The following DGKB variants were observed in gnomAD, a reference collection of about 807,000 sequenced individuals.
DGKB encodes 90 kDa diacylglycerol kinase.
A neutral mutation model predicts 114.3 loss-of-function variants in DGKB; 67 were observed. The observed-to-expected ratio is 0.59, with a 90% CI of 0.48 to 0.72. DGKB has a LOEUF of 0.72. DGKB is among the 30% of genes least tolerant of loss of function. DGKB has a pLI of 0.00. For missense variants in DGKB, 907 were observed against 975.2 expected (o/e 0.93, Z 0.93); for synonymous variants, 398 against 323.1 (o/e 1.23, Z -2.49).
chr7:14,411,016 G>A (rs1015609327), intron 21 of DGKB, among the ~76,000 whole-genome samples: 2 of 152,054 alleles, frequency 1.3e-5, no homozygotes, highest in East Asian at 1.9e-4. Flanking sequence ...CTCTTCTCCC[G>A]GGTTAGTGAT....
intron 21 of DGKB, among the ~76,000 whole-genome samples, chr7:14,452,798 T>C (rs1831720499): frequency 6.6e-6 from 1 of 152,134 alleles, no homozygotes; most frequent in Admixed American, 6.6e-5. Flanking sequence ...TGTGCAAATA[T>C]CATAGAGTGT....
At chr7:14,460,510 G>A (rs1280332370) in intron 21 of DGKB, among the ~76,000 whole-genome samples, 1 of 151,350 alleles carries the variant, frequency 6.6e-6, no homozygotes, top group Non-Finnish European at 1.5e-5. Flanking sequence ...GACAAAGAAG[G>A]GCATGACATA....
chr7:14,849,167 G>C (rs1849018761), intron 1 of DGKB, among the ~76,000 whole-genome samples: 1 of 152,014 alleles, frequency 6.6e-6, no homozygotes, highest in Non-Finnish European at 1.5e-5. Flanking sequence ...AAAGCTATTG[G>C]AGACTAATGC....
chr7:14,220,166 T>C (rs548743972), intron 23 of DGKB, among the ~76,000 whole-genome samples: 5 of 151,716 alleles, frequency 3.3e-5, no homozygotes, highest in East Asian at 3.9e-4. Context: ...TGTAACACAA[T>C]TGTAGGTATC....
At chr7:14,377,382 A>G (rs1764730955) in intron 21 of DGKB, among the ~76,000 whole-genome samples, 1 of 152,158 alleles carries the variant, frequency 6.6e-6, no homozygotes. Context: ...AAAAAAGAAA[A>G]TTGTTTTATT....
chr7:14,364,869 A>G (rs754037781), intron 21 of DGKB, among the ~76,000 whole-genome samples: 5 of 152,058 alleles, frequency 3.3e-5, no homozygotes, highest in African/African-American at 4.8e-5. Context: ...GTGGAGCAAC[A>G]GACCTCAGAA....
chr7:14,369,695 T>C (rs2128648646), intron 21 of DGKB, among the ~76,000 whole-genome samples: 1 of 152,312 alleles, frequency 6.6e-6, no homozygotes, highest in South Asian at 2.1e-4. Context: ...TTTTTATATG[T>C]TTGTTGGCCA....
intron 1 of DGKB, among the ~76,000 whole-genome samples, chr7:14,871,359 T>A (rs991676733): frequency 1.4e-4 from 22 of 152,162 alleles, no homozygotes; most frequent in Non-Finnish European, 5.9e-5. Flanking sequence ...TCATTCCTCC[T>A]ATTATCAGAG....
At chr7:14,221,378 A>T (rs1789942452) in intron 23 of DGKB, among the ~76,000 whole-genome samples, 1 of 151,314 alleles carries the variant, frequency 6.6e-6, no homozygotes, top group South Asian at 2.1e-4. Flanking sequence ...GTTTTTTATT[A>T]TAAAAATTGT....
chr7:14,285,030 T>G (rs188816001), intron 23 of DGKB, among the ~76,000 whole-genome samples: 1 of 61,402 alleles, frequency 1.6e-5, no homozygotes, highest in South Asian at 8.5e-4. Flanking sequence ...AATAAAAAAA[T>G]AATAAAAAAA....
chr7:14,851,432 C>T (rs902246183), intron 1 of DGKB, among the ~76,000 whole-genome samples: 3 of 152,008 alleles, frequency 2.0e-5, no homozygotes, highest in Non-Finnish European at 1.5e-5. Flanking sequence ...AGTATTGAGA[C>T]TGGCAGGTTA....
chr7:14,459,378 C>G (rs1262103526), intron 21 of DGKB, among the ~76,000 whole-genome samples: 1 of 152,174 alleles, frequency 6.6e-6, no homozygotes, highest in East Asian at 1.9e-4. Context: ...GAATTGCTAA[C>G]TAAAATAACC....
intron 23 of DGKB, among the ~76,000 whole-genome samples, chr7:14,337,170 T>A (rs1013481265): frequency 1.3e-5 from 2 of 152,072 alleles, no homozygotes; most frequent in Non-Finnish European, 2.9e-5. Context: ...TACATTTAAA[T>A]GAATATTTAA....
intron 23 of DGKB, among the ~76,000 whole-genome samples, chr7:14,219,087 T>C (rs1429084518): frequency 6.6e-6 from 1 of 151,938 alleles, no homozygotes; most frequent in Non-Finnish European, 1.5e-5. Context: ...CATGTTCTAG[T>C]TTGCATCAGT....
intron 22 of DGKB, among the ~76,000 whole-genome samples, chr7:14,343,899 C>T (rs922865220): frequency 1.4e-5 from 2 of 146,192 alleles, no homozygotes; most frequent in Non-Finnish European, 3.0e-5. Flanking sequence ...ATATATTTAA[C>T]TATATATGTA....
chr7:14,504,410 G>A lies in DGKB; in HGVS notation c.1771-26185C>T, dbSNP rs1269614511. 2.0e-5 allele frequency among the ~76,000 whole-genome samples: 3 copies of A among 152,148 alleles called. No homozygotes were observed. In the East Asian group the frequency reaches 5.8e-4, roughly 29 times the overall value. On this transcript the variant is annotated intron_variant, in intron 20 of 25. Coordinates refer to ENST00000402815, the MANE Select transcript of DGKB (RefSeq NM_001350709.2). ...TAGCTAAATGGATATCCATTGACTAGCTTCTTATCCGGACTCATTAAAGTT... is the reference window on the plus strand; with the variant it reads ...TAGCTAAATGGATATCCATTGACTAACTTCTTATCCGGACTCATTAAAGTT...
In DGKB at chr7:14,841,285, C is replaced by T. The variant is rs1455348402; in HGVS notation, c.-22G>A. ...TCATGGTGGTGGTGAGAAGCTCTGT[C>T]ACATACCAGGTAAAAGATTCTTTAT... On this transcript the variant is annotated 5_prime_UTR_variant, in exon 2 of 26. The change abolishes the stop of an existing upstream ORF in the 5' untranslated region. Transcript: ENST00000402815. 2 of 1,609,542 alleles carry T rather than the reference C, an allele frequency of 1.2e-6. No homozygotes were observed. Among genetic ancestry groups the T allele is most frequent in the African/African-American group, 1.3e-5 (1 of 74,834 alleles).
At chr7:14,515,850 T>C (rs1339043608) in intron 20 of DGKB, among the ~76,000 whole-genome samples, 1 of 152,208 alleles carries the variant, frequency 6.6e-6, no homozygotes, top group Non-Finnish European at 1.5e-5. Flanking sequence ...AGTTAGATTT[T>C]ATTTATTTTT....
At chr7:14,595,606 ATG>A (rs1388307699) in intron 17 of DGKB, among the ~76,000 whole-genome samples, 11 of 150,012 alleles carry the variant, frequency 7.3e-5, no homozygotes, top group Middle Eastern at 3.2e-3. Flanking sequence ...ATATATAAAT[ATG>A]TATAAATAAA....
Sources: allele counts gnomAD v4.1 joint callset (sites outside exome capture counted in the v4.1 genomes callset), GRCh38; gene constraint gnomAD v4.1.1; transcripts MANE v1.5; gene names NCBI Gene and HGNC (gene_info 2026-07-23, HGNC 2026-07-21).